The following ZFP64 variants were observed in gnomAD, a reference collection of about 807,000 sequenced individuals.
The protein encoded by ZFP64 is ZFP64 zinc finger protein.
A neutral mutation model predicts 51.6 loss-of-function variants in ZFP64; 14 were observed. The ratio of observed to expected loss-of-function variants is 0.27; its 90% CI spans 0.18 to 0.42. The LOEUF (loss-of-function observed/expected upper bound fraction) is 0.42, where lower values mean the gene tolerates loss of function less well. ZFP64 is among the 10% of genes least tolerant of loss of function. The probability of loss-of-function intolerance (pLI) is 1.00; values close to 1 mark genes in which losing one functional copy is unlikely to be tolerated. For missense variants in ZFP64, 754 were observed against 906.8 expected (o/e 0.83, Z 2.16); for synonymous variants, 375 against 361.4 (o/e 1.04, Z -0.43).
chr20:52,119,575 CA>C (rs1269670613), intron 5 of ZFP64, among the ~76,000 whole-genome samples: 1 of 81,302 alleles, frequency 1.2e-5, no homozygotes, highest in Admixed American at 1.1e-4. Flanking sequence ...TATACACACA[CA>C]ACACACACAC....
chr20:52,086,641 C>A (rs1473041688), intron 8 of ZFP64, among the ~76,000 whole-genome samples: 2 of 152,072 alleles, frequency 1.3e-5, no homozygotes, highest in Non-Finnish European at 2.9e-5. Context: ...CCACGCCCAG[C>A]TAATTTTTTT....
intron 5 of ZFP64, among the ~76,000 whole-genome samples, chr20:52,159,172 A>G (rs1256265338): frequency 6.6e-6 from 1 of 152,240 alleles, no homozygotes; most frequent in Non-Finnish European, 1.5e-5. Flanking sequence ...GTTAGCAACA[A>G]ATGTTTATTA....
downstream of ZFP64, among the ~76,000 whole-genome samples, chr20:52,150,682 T>TGA (rs1488436855): frequency 6.6e-6 from 1 of 152,214 alleles, no homozygotes; most frequent in Non-Finnish European, 1.5e-5. Context: ...GTGGTAGAAA[T>TGA]GTATCTAAGT....
Position 52,160,144 on chromosome 20 carries a change from C to T in ZFP64, c.742G>A (p.Val248Ile), listed in dbSNP as rs138912524. Reference sequence around the variant, plus strand: ...TCACCCGTGTGGGATCGCAGGTGGACAGTGAGCTGGCTGGAGTTGCGGCTG... The same window carrying T: ...TCACCCGTGTGGGATCGCAGGTGGATAGTGAGCTGGCTGGAGTTGCGGCTG... Reference protein sequence around the residue: ...YASRNSSQLTVHLRSHTGDAP... With the variant: ...YASRNSSQLTIHLRSHTGDAP... Residue 248 changes from valine (V) to isoleucine (I), a missense_variant, in exon 5 of 6, where the codon GTC becomes ATC. This residue lies in a region of ZFP64 where 231 missense variants were observed against 336.7 expected (regional missense o/e 0.69). Coordinates refer to ENST00000216923, the MANE Select transcript of ZFP64 (RefSeq NM_018197.3). This position sits in a 1 kb window ranked among gnomAD's most constrained non-coding sequence, Gnocchi z 4.2. 2.3e-4 allele frequency: 371 copies of T among 1,614,132 alleles called. 2 individuals carry two copies. In the African/African-American group the frequency reaches 4.6e-3, roughly 20 times the overall value.
intron 5 of ZFP64, among the ~76,000 whole-genome samples, chr20:52,131,140 G>A (rs999416301): frequency 6.3e-5 from 9 of 143,082 alleles, no homozygotes; most frequent in African/African-American, 2.1e-4. Flanking sequence ...CAGGAAGAAA[G>A]GAAAACAGGA....
chr20:52,164,212 C>A (rs542955009), intron 4 of ZFP64, among the ~76,000 whole-genome samples: 1 of 152,182 alleles, frequency 6.6e-6, no homozygotes, highest in South Asian at 2.1e-4. Flanking sequence ...ATTCTGGAGG[C>A]TGAGGTGGGC....
At chr20:52,111,293 C>T (rs1308900625) in intron 5 of ZFP64, among the ~76,000 whole-genome samples, 1 of 148,496 alleles carries the variant, frequency 6.7e-6, no homozygotes, top group Non-Finnish European at 1.5e-5. Context: ...CTCGGCTCAT[C>T]GCAACCTCCA....
At chr20:52,165,645 G>C (rs1938850392) in intron 3 of ZFP64, 1 of 714,092 alleles carries the variant, frequency 1.4e-6, no homozygotes, top group African/African-American at 1.8e-5. Flanking sequence ...CACTTCAAAG[G>C]CCTATGGCTA....
intron 8 of ZFP64, among the ~76,000 whole-genome samples, chr20:52,088,012 G>A (rs1404998986): frequency 6.6e-6 from 1 of 152,140 alleles, no homozygotes; most frequent in Non-Finnish European, 1.5e-5. Flanking sequence ...AAGATTAAAA[G>A]TTTGTGATTT....
At chr20:52,164,032 C>G (rs751905613) in intron 4 of ZFP64, among the ~76,000 whole-genome samples, 1 of 152,082 alleles carries the variant, frequency 6.6e-6, no homozygotes. Context: ...AAGTTTTGGC[C>G]AGGTGCAGTG....
Position 52,152,996 on chromosome 20 carries a change from T to C in ZFP64, c.1196A>G (p.Lys399Arg). The part of the protein sequence containing the change: ...HMKKFHGDMV[K>R]TEALERKDTG... ...GTCCTTCCTCTCTAGAGCCTCAGTC[T>C]TAACCATGTCCCCATGGAACTTCTT... The change falls in exon 6 of 6, where the codon AAG becomes AGG. Residue 399 changes from lysine to arginine, a missense_variant. By Grantham distance (26) the Lys-to-Arg change is conservative (BLOSUM62 2). This residue lies in a region of ZFP64 where 428 missense variants were observed against 472.4 expected (regional missense o/e 0.91). Coordinates refer to ENST00000216923, the MANE Select transcript of ZFP64 (RefSeq NM_018197.3). The C allele has an allele frequency of 6.2e-7, 1 of 1,613,966 alleles. No individual in the cohort carries two copies. The highest frequency in any genetic ancestry group is 8.5e-7 in the Non-Finnish European group (1 of 1,180,036).
intron 5 of ZFP64, among the ~76,000 whole-genome samples, chr20:52,120,896 C>T (rs2122850759): frequency 6.6e-6 from 1 of 152,144 alleles, no homozygotes; most frequent in Non-Finnish European, 1.5e-5. Context: ...AGGCTGGTCT[C>T]AAACTCCTGA....
chr20:52,177,493 T>C (rs922970268), intron 2 of ZFP64, among the ~76,000 whole-genome samples: 6 of 152,062 alleles, frequency 3.9e-5, no homozygotes, highest in Non-Finnish European at 5.9e-5. Flanking sequence ...TCCTCCCTGA[T>C]ACATTTAATT....
intron 5 of ZFP64, among the ~76,000 whole-genome samples, chr20:52,134,957 G>A (rs1979899161): frequency 6.6e-6 from 1 of 152,074 alleles, no homozygotes; most frequent in Non-Finnish European, 1.5e-5. Context: ...CTGCCTCCTG[G>A]GCTCAAGCGA....
chr20:52,151,709 C>T lies in ZFP64; in HGVS notation c.*437G>A, dbSNP rs1568678602. 1 of 996,258 alleles carries T rather than the reference C, an allele frequency of 1.0e-6. No homozygotes were observed. Among genetic ancestry groups the T allele is most frequent in the Admixed American group, 5.3e-5 (1 of 18,702 alleles). 61.7% of individuals were successfully genotyped at this position (996,258 alleles called of 1,614,324 possible). A position where few individuals can be genotyped will look rare whatever the true frequency, so the allele number is the denominator to read the frequency against. ...AATTATAGTAAGCAGTATAAAATTA[C>T]AATTTATTATGGGGCCAGGGGGATT... On this transcript the variant is annotated 3_prime_UTR_variant, in exon 6 of 6. Coordinates refer to ENST00000216923, the MANE Select transcript of ZFP64 (RefSeq NM_018197.3).
intron 7 of ZFP64, among the ~76,000 whole-genome samples, chr20:52,089,546 G>C (rs1236522893): frequency 1.3e-5 from 2 of 151,906 alleles, no homozygotes; most frequent in Non-Finnish European, 1.5e-5. Flanking sequence ...TTTGAGACCA[G>C]ACTGGGCAAC....
downstream of ZFP64, among the ~76,000 whole-genome samples, chr20:52,149,897 T>C (rs537543477): frequency 6.6e-6 from 1 of 152,200 alleles, no homozygotes; most frequent in African/African-American, 2.4e-5. Flanking sequence ...AGAAAACATA[T>C]ATACGTAAGC....
chr20:52,153,503 G>T lies in ZFP64; in HGVS notation c.764-75C>A, dbSNP rs972691881. 9.9e-6 allele frequency: 15 copies of T among 1,516,394 alleles called. No individual in the cohort carries two copies. In the South Asian group the frequency reaches 1.8e-4, roughly 18 times the overall value. The allele number at this position is 1,516,394 out of a possible 1,614,324, so 93.9% of individuals were successfully genotyped here. A position where few individuals can be genotyped will look rare whatever the true frequency, so the allele number is the denominator to read the frequency against. On this transcript the variant is annotated intron_variant, in intron 5 of 5. Coordinates refer to ENST00000216923, the MANE Select transcript of ZFP64 (RefSeq NM_018197.3). This position sits in a 1 kb window ranked among gnomAD's most constrained non-coding sequence, Gnocchi z 5.1. ...GCGGATCCCCCCGAAGCACACACCA[G>T]AAAATCGCTTATACAAGGTGGGTGG...
intron 5 of ZFP64, among the ~76,000 whole-genome samples, chr20:52,122,362 C>T (rs903560657): frequency 8.6e-5 from 13 of 151,890 alleles, no homozygotes; most frequent in Admixed American, 3.3e-4. Flanking sequence ...AAAAATTAGC[C>T]GGGTGTGGTG....
Sources: allele counts gnomAD v4.1 joint callset (sites outside exome capture counted in the v4.1 genomes callset), GRCh38; gene constraint gnomAD v4.1.1; regional missense constraint gnomAD v4.1.1; non-coding constraint Gnocchi (gnomAD v3.1); transcripts MANE v1.5; gene names NCBI Gene and HGNC (gene_info 2026-07-23, HGNC 2026-07-21).